RASSF8: variants seen among roughly 807,000 people sequenced by gnomAD.
The protein encoded by RASSF8 is Ras association domain family member 8.
RASSF8 carries 22 observed loss-of-function variants against 48.5 expected under a neutral mutation model. The ratio of observed to expected loss-of-function variants is 0.45; its 90% CI spans 0.32 to 0.65. RASSF8 has a LOEUF of 0.65. Among genes scored for constraint, RASSF8 ranks in the 30% least tolerant of loss-of-function variants. The pLI is 0.03. For missense variants in RASSF8, 418 were observed against 489.2 expected, an observed-to-expected ratio of 0.85 and a Z score of 1.37; for synonymous variants, 127 against 171.5, an observed-to-expected ratio of 0.74 and a Z score of 2.03.
At chr12:26,056,007 C>A (rs550599280) in intron 3 of RASSF8, among the ~76,000 whole-genome samples, 90 of 152,082 alleles carry the variant, frequency 5.9e-4, no homozygotes, top group Non-Finnish European at 8.1e-4. Context: ...CAAACATGGT[C>A]AAACCCGTCT....
intron 1 of RASSF8, among the ~76,000 whole-genome samples, chr12:25,968,998 G>T (rs10842646): frequency 1.3e-5 from 2 of 152,002 alleles, no homozygotes; most frequent in Non-Finnish European, 2.9e-5. Context: ...TCCAGATAGA[G>T]GGCACAGTGC....
downstream of RASSF8, among the ~76,000 whole-genome samples, chr12:26,076,791 T>G (rs931268701): frequency 3.3e-5 from 5 of 152,318 alleles, no homozygotes; most frequent in South Asian, 6.2e-4. Context: ...GTAATGGGAT[T>G]GCTGGGTCAG....
At chr12:26,074,307 G>A (rs16930053), downstream of RASSF8, among the ~76,000 whole-genome samples, 7,537 of 151,876 alleles carry the variant, frequency 0.05, 248 homozygotes, top group East Asian at 0.11. Context: ...GTTTTTGTCC[G>A]GACACTGGAG....
At chr12:26,008,003 G>A (rs188181408) in intron 2 of RASSF8, among the ~76,000 whole-genome samples, 2 of 152,178 alleles carry the variant, frequency 1.3e-5, no homozygotes, top group Admixed American at 6.5e-5. Context: ...ATCAGGTGCG[G>A]TGGCTCACGC....
intron 2 of RASSF8, chr12:26,020,386 A>G (rs1264710860): frequency 6.6e-6 from 1 of 152,192 alleles, no homozygotes; most frequent in Non-Finnish European, 1.5e-5. Context: ...TGTTGTTTTT[A>G]TGCTCCCCCA....
At position 26,071,655 on chromosome 12, in the gene RASSF8, G is replaced by A. The variant is rs1944003203; in HGVS notation, c.*2837G>A. 1 of 984,544 alleles carries A rather than the reference G, an allele frequency of 1.0e-6. No homozygotes were observed. The highest frequency in any genetic ancestry group is 1.2e-6 in the Non-Finnish European group (1 of 829,410). The allele number at this position is 984,544 out of a possible 1,614,324, so 61.0% of individuals were successfully genotyped here. ...ATTTTGTTTTTTGTCTTGATGCACA[G>A]GGACTTTTTTATAATATGAGACTTC... On this transcript the variant is annotated 3_prime_UTR_variant, in exon 6 of 6. Transcript: ENST00000689635.
chr12:25,984,686 ATTG>A (rs1161674402), intron 1 of RASSF8, among the ~76,000 whole-genome samples: 1 of 152,180 alleles, frequency 6.6e-6, no homozygotes, highest in Non-Finnish European at 1.5e-5. Flanking sequence ...ATTAAGGAGA[ATTG>A]TTGTTACCTT....
At position 26,064,649 on chromosome 12, in the gene RASSF8, T is replaced by A; in HGVS notation, c.255T>A (p.Ser85Arg). 6.2e-7 allele frequency: 1 copy of A among 1,614,162 alleles called. No individual in the cohort carries two copies. The highest frequency in any genetic ancestry group is 8.5e-7 in the Non-Finnish European group (1 of 1,180,020). ...LILRRTGPSL[S>R]ERPTSDSVAR... ...TACGACGAACTGGGCCGTCTCTCAGTGAGCGACCCACTTCAGACAGTGTGG... is the reference window on the plus strand; with the variant it reads ...TACGACGAACTGGGCCGTCTCTCAGAGAGCGACCCACTTCAGACAGTGTGG... The change falls in exon 4 of 6, where the codon AGT becomes AGA. Residue 85 changes from serine to arginine, a missense_variant. Transcript: ENST00000689635.
chr12:26,017,566 TA>T (rs1357448545), intron 2 of RASSF8, among the ~76,000 whole-genome samples: 1 of 152,212 alleles, frequency 6.6e-6, no homozygotes, highest in African/African-American at 2.4e-5. Flanking sequence ...TGATGGAACT[TA>T]CCAGTAATCC....
intron 1 of RASSF8, among the ~76,000 whole-genome samples, chr12:25,968,101 G>T (rs1213229591): frequency 6.6e-6 from 1 of 152,150 alleles, no homozygotes; most frequent in Non-Finnish European, 1.5e-5. Context: ...CTTCTTACAG[G>T]GGTTGTCTGT....
intron 2 of RASSF8, among the ~76,000 whole-genome samples, chr12:26,021,952 T>C (rs1942796544): frequency 6.6e-6 from 1 of 152,170 alleles, no homozygotes; most frequent in South Asian, 2.1e-4. Flanking sequence ...CTAGCTTCTT[T>C]TAAGAGCAGT....
At chr12:26,074,197 C>A (rs1178757810), downstream of RASSF8, among the ~76,000 whole-genome samples, 1 of 152,142 alleles carries the variant, frequency 6.6e-6, no homozygotes, top group Non-Finnish European at 1.5e-5. Context: ...TCTCCACATA[C>A]GTGTGCTGTG....
chr12:26,015,059 A>G (rs1942616352), intron 2 of RASSF8, among the ~76,000 whole-genome samples: 1 of 151,976 alleles, frequency 6.6e-6, no homozygotes, highest in Non-Finnish European at 1.5e-5. Context: ...AAAAATAGAA[A>G]TTAGCCAGGC....
chr12:26,043,291 A>G (rs905862963), intron 2 of RASSF8, among the ~76,000 whole-genome samples: 2 of 152,350 alleles, frequency 1.3e-5, no homozygotes, highest in Admixed American at 1.3e-4. Context: ...CCAAGGAAGG[A>G]GAGCAGCATA....
At chr12:26,078,954 A>G (rs985997072) in intron 5 of RASSF8, 23 of 1,350,680 alleles carry the variant, frequency 1.7e-5, no homozygotes, top group Non-Finnish European at 1.8e-5. Context: ...AGTAATTGAG[A>G]TCATGATTAT....
chr12:26,054,576 G>A (rs989271923), intron 2 of RASSF8, among the ~76,000 whole-genome samples: 6 of 152,146 alleles, frequency 3.9e-5, no homozygotes, highest in African/African-American at 1.4e-4. Context: ...CCCTCATGCT[G>A]TGCCTGGTGT....
At chr12:26,068,598 A>G in intron 5 of RASSF8, 99 bp from the exon 6 acceptor site, 2 of 929,658 alleles carry the variant, frequency 2.2e-6, no homozygotes, top group South Asian at 3.0e-5. Flanking sequence ...TGCTCTATGC[A>G]GTTTTCCCTT....
At chr12:25,988,975 T>A (rs192481503) in intron 1 of RASSF8, among the ~76,000 whole-genome samples, 1 of 152,320 alleles carries the variant, frequency 6.6e-6, no homozygotes, top group African/African-American at 2.4e-5. Context: ...GAATTTTTCT[T>A]GATTTTAGAA....
intron 2 of RASSF8, among the ~76,000 whole-genome samples, chr12:25,999,122 T>A (rs1232792916): frequency 6.6e-6 from 1 of 152,116 alleles, no homozygotes; most frequent in Non-Finnish European, 1.5e-5. Context: ...AGGTGAGTCT[T>A]CTGATGGAGG....
Sources: allele counts gnomAD v4.1 joint callset (sites outside exome capture counted in the v4.1 genomes callset), GRCh38; gene constraint gnomAD v4.1.1; transcripts MANE v1.5; gene names NCBI Gene and HGNC (gene_info 2026-07-23, HGNC 2026-07-21).